Variants in ADI1 observed in about 807,000 individuals in gnomAD.
ADI1 encodes acireductone dioxygenase 1.
ADI1 carries 21 observed loss-of-function variants against 18.7 expected under a neutral mutation model. The ratio of observed to expected loss-of-function variants is 1.13; its 90% CI spans 0.80 to 1.62. ADI1 has a LOEUF of 1.62. Ranked by LOEUF, ADI1 falls within the 40% of genes most tolerant of loss-of-function variation. ADI1 has a pLI of 0.00. For missense variants in ADI1, 245 were observed against 254.9 expected (o/e 0.96, Z 0.26); for synonymous variants, 90 against 100.1 (o/e 0.90, Z 0.60).
rs185055108 is a variant in ADI1, at chr2:3,514,979, C to T, written c.121-1003G>A. On this transcript the variant is annotated intron_variant, in intron 1 of 3. Transcript: ENST00000327435. ...TTTAATCTCTTAATCCTGTTATCTTCGTAAGCTGAGGATGTATGTCACCTC... is the reference window on the plus strand; with the variant it reads ...TTTAATCTCTTAATCCTGTTATCTTTGTAAGCTGAGGATGTATGTCACCTC... 3.5e-4 allele frequency: 450 copies of T among 1,301,266 alleles called. 3 individuals carry two copies. In the African/African-American group the frequency reaches 5.1e-3, roughly 15 times the overall value. 80.6% of individuals were successfully genotyped at this position (1,301,266 alleles called of 1,614,324 possible).
Position 3,500,843 on chromosome 2 carries a change from T to A in ADI1, c.391A>T (p.Ile131Phe), listed in dbSNP as rs1283272337. ...KGDMVTLPAG[I>F]YHRFTVDEKN... Reference sequence around the variant, plus strand: ...TCGTCCACCGTGAAGCGGTGATAGATCCCCGCGGGGAGCGTCACCATGTCT... The same window carrying A: ...TCGTCCACCGTGAAGCGGTGATAGAACCCCGCGGGGAGCGTCACCATGTCT... Residue 131 changes from isoleucine (I) to phenylalanine (F), a missense_variant, in exon 3 of 4, where the codon ATC becomes TTC. Coordinates refer to ENST00000327435, the MANE Select transcript of ADI1 (RefSeq NM_018269.4). The A allele has an allele frequency of 1.9e-6, 3 of 1,614,048 alleles. No individual in the cohort carries two copies. The highest frequency in any genetic ancestry group is 2.7e-5 in the African/African-American group (2 of 74,928).
chr2:3,506,686 G>A (rs983713908), intron 2 of ADI1, among the ~76,000 whole-genome samples: 8 of 152,274 alleles, frequency 5.3e-5, no homozygotes, highest in Non-Finnish European at 1.2e-4. Context: ...GCACATATCA[G>A]CAAACTGACT....
intron 2 of ADI1, among the ~76,000 whole-genome samples, chr2:3,508,334 C>CAAAAAAAAAAAAAAAAAAAAAAAAAAAA (rs33977448): frequency 3.7e-5 from 1 of 26,922 alleles, no homozygotes; most frequent in Non-Finnish European, 9.9e-5. Flanking sequence ...GACTCTGTCT[C>CAAAAAAAAAAAAAAAAAAAAAAAAAAAA]AAAAAAAAAA....
intron 3 of ADI1, among the ~76,000 whole-genome samples, chr2:3,500,322 C>T (rs1489490298): frequency 6.9e-6 from 1 of 145,806 alleles, no homozygotes; most frequent in Non-Finnish European, 1.5e-5. Flanking sequence ...AACCCCAAAA[C>T]TACCTTATCT....
intron 1 of ADI1, chr2:3,514,949 C>T (rs1488415046): frequency 1.4e-6 from 2 of 1,465,734 alleles, no homozygotes; most frequent in African/African-American, 2.8e-5. Flanking sequence ...TTTATTATGC[C>T]TGTCTTTAAT....
At chr2:3,516,156 G>A (rs1667404259) in intron 1 of ADI1, 3 of 646,290 alleles carry the variant, frequency 4.6e-6, no homozygotes, top group Non-Finnish European at 5.8e-6. Flanking sequence ...AGTCATGAGG[G>A]CAAGCCCTCA....
At chr2:3,503,308 G>T (rs10208248) in intron 2 of ADI1, among the ~76,000 whole-genome samples, 1 of 43,302 alleles carries the variant, frequency 2.3e-5, no homozygotes, top group Non-Finnish European at 3.8e-5. Flanking sequence ...CATACACACT[G>T]ACACGCACAT....
intron 2 of ADI1, among the ~76,000 whole-genome samples, chr2:3,508,719 T>C (rs948469882): frequency 2.0e-5 from 3 of 151,990 alleles, no homozygotes; most frequent in Admixed American, 6.6e-5. Flanking sequence ...CTGGGCAACA[T>C]AGGGAGACCC....
intron 2 of ADI1, among the ~76,000 whole-genome samples, chr2:3,512,524 G>A (rs1176485441): frequency 6.6e-6 from 1 of 152,192 alleles, no homozygotes; most frequent in African/African-American, 2.4e-5. Context: ...AAGGGCCCAG[G>A]TACAGCTTGG....
intron 1 of ADI1, chr2:3,516,222 C>G (rs1667406080): frequency 7.7e-6 from 2 of 258,328 alleles, no homozygotes; most frequent in South Asian, 2.9e-4. Flanking sequence ...TGGCTCACAC[C>G]TATAATCCCA....
chr2:3,515,932 A>G, intron 1 of ADI1: 1 of 985,440 alleles, frequency 1.0e-6, no homozygotes, highest in Non-Finnish European at 1.2e-6. Flanking sequence ...AGTCATCAAT[A>G]CGTTATTTTC....
intron 2 of ADI1, among the ~76,000 whole-genome samples, chr2:3,502,030 C>T (rs780521884): frequency 0.22 from 28,162 of 127,502 alleles, 2,783 homozygotes; most frequent in African/African-American, 0.34. Context: ...CACACACACA[C>T]ACACACACAC....
At chr2:3,503,304 C>T (rs1235638432) in intron 2 of ADI1, among the ~76,000 whole-genome samples, 1 of 85,980 alleles carries the variant, frequency 1.2e-5, no homozygotes, top group Non-Finnish European at 2.0e-5. Context: ...CACACATACA[C>T]ACTGACACGC....
chr2:3,505,083 A>C (rs1667147337), intron 2 of ADI1, among the ~76,000 whole-genome samples: 1 of 152,148 alleles, frequency 6.6e-6, no homozygotes, highest in Non-Finnish European at 1.5e-5. Flanking sequence ...GTATGTCTGC[A>C]TTGTTGGTTC....
At chr2:3,518,760 G>C (rs1254954026) in intron 1 of ADI1, among the ~76,000 whole-genome samples, 2 of 152,174 alleles carry the variant, frequency 1.3e-5, no homozygotes, top group African/African-American at 4.8e-5. Context: ...CTGGGCCTTT[G>C]ACCGAGGTTA....
intron 2 of ADI1, among the ~76,000 whole-genome samples, chr2:3,510,935 T>G (rs1289104756): frequency 6.6e-6 from 1 of 152,244 alleles, no homozygotes; most frequent in African/African-American, 2.4e-5. Context: ...TTTTATGAGA[T>G]CAGAATTACT....
intron 2 of ADI1, 110 bp from the exon 3 acceptor site, chr2:3,501,103 G>A: frequency 1.1e-6 from 1 of 877,984 alleles, no homozygotes; most frequent in Middle Eastern, 2.3e-4. Flanking sequence ...AGGTGAATGG[G>A]ACTTCTCTCC....
chr2:3,499,139 G>T (rs58219575), intron 3 of ADI1, 57 bp from the exon 4 acceptor site: 618,275 of 1,576,004 alleles, frequency 0.39, 130,330 homozygotes, highest in African/African-American at 0.84. Flanking sequence ...CTTCTACTTA[G>T]TATTTATTAA....
In ADI1 at chr2:3,500,922, G is replaced by C. The variant is rs774107502; in HGVS notation, c.312C>G (p.Tyr104Ter). 1.9e-6 allele frequency: 3 copies of C among 1,614,058 alleles called. No homozygotes were observed. The African/African-American group carries it at 4.0e-5, about 22-fold the overall frequency. ...EIRYILDGSG[Y>*]FDVRDKEDQW... ...GGTCCTCCTTGTCCCTCACATCGAA[G>C]TACCCACTGCCATCCAGGATGTAGC... Residue 104 changes from tyrosine to a stop codon, truncating the protein, a stop_gained, in exon 3 of 4, where the codon TAC becomes TAG. Transcript: ENST00000327435. LOFTEE classifies it high-confidence loss of function.
Sources: allele counts gnomAD v4.1 joint callset (sites outside exome capture counted in the v4.1 genomes callset), GRCh38; gene constraint gnomAD v4.1.1; transcripts MANE v1.5; gene names NCBI Gene and HGNC (gene_info 2026-07-23, HGNC 2026-07-21).